PPARA: variants seen among roughly 807,000 people sequenced by gnomAD.
The protein encoded by PPARA is peroxisome proliferator activated receptor alpha, also known as peroxisome proliferator-activated receptor alpha.
In PPARA, 22 loss-of-function variants were observed where a neutral mutation model predicts 42.2. The ratio of observed to expected loss-of-function variants is 0.52; its 90% CI spans 0.37 to 0.74. The LOEUF (loss-of-function observed/expected upper bound fraction) is 0.74, where lower values mean the gene tolerates loss of function less well. PPARA is among the 30% of genes least tolerant of loss of function. PPARA has a pLI of 0.00. For synonymous variants in PPARA, 242 were observed against 239.3 expected (o/e 1.01, Z -0.10); for missense variants, 465 against 608.2 (o/e 0.76, Z 2.48).
rs376744432 is a variant in PPARA, at chr22:46,237,879, T to A, written c.*2499T>A. On this transcript the variant is annotated 3_prime_UTR_variant, in exon 9 of 9. Transcript: ENST00000407236. The surrounding 1 kb of genome is among the most constrained non-coding windows in gnomAD (Gnocchi z 6.7). The stretch of plus-strand genomic sequence containing the variant: ...GGAGCCCAATGCCAAGCCTGTGTTG[T>A]CCCCAGCGACCCTGCAGCTGCTCGC... The A allele has an allele frequency of 6.6e-6, 1 of 152,464 alleles. No homozygotes were observed. The highest frequency in any genetic ancestry group is 2.4e-5 in the African/African-American group (1 of 41,588). The allele number at this position is 152,464 out of a possible 1,614,324, so 9.4% of individuals were successfully genotyped here.
intron 4 of PPARA, among the ~76,000 whole-genome samples, chr22:46,206,560 T>C (rs1422203702): frequency 6.6e-6 from 1 of 152,236 alleles, no homozygotes; most frequent in Non-Finnish European, 1.5e-5. Context: ...GGTATCATTC[T>C]ATCTTACAGA....
At chr22:46,205,905 T>C (rs1933255878) in intron 4 of PPARA, among the ~76,000 whole-genome samples, 1 of 152,134 alleles carries the variant, frequency 6.6e-6, no homozygotes, top group Non-Finnish European at 1.5e-5. Context: ...ATGTAGCCAC[T>C]GCAGCTTTCT....
At chr22:46,218,973 C>T (rs767017882) in intron 6 of PPARA, among the ~76,000 whole-genome samples, 3 of 151,696 alleles carry the variant, frequency 2.0e-5, no homozygotes, top group East Asian at 1.9e-4. Flanking sequence ...ACCAGCCTGG[C>T]GAACATGGCA....
intron 2 of PPARA, chr22:46,176,179 A>G (rs1471910190): frequency 6.6e-6 from 1 of 151,584 alleles, no homozygotes; most frequent in Non-Finnish European, 1.5e-5. Flanking sequence ...ACGGACAGAT[A>G]GATAGGTAGA....
Position 46,162,427 on chromosome 22 carries a change from T to C in PPARA, c.-127+10457T>C, listed in dbSNP as rs554052920. ...CCGGAGACACACTCCCTTACCCTCA[T>C]ACCCCGCCGCACCCCTGTGACCTCT... On this transcript the variant is annotated intron_variant, in intron 2 of 8. Transcript: ENST00000407236. The surrounding 1 kb of genome is among the most constrained non-coding windows in gnomAD (Gnocchi z 6.0). Among the ~76,000 whole-genome samples the C allele has an allele frequency of 1.8e-4, 27 of 152,164 alleles. No individual in the cohort carries two copies. Among genetic ancestry groups the C allele is most frequent in the Non-Finnish European group, 2.5e-4 (17 of 68,026 alleles).
At chr22:46,226,255 A>G (rs1008825490) in intron 7 of PPARA, among the ~76,000 whole-genome samples, 2 of 151,590 alleles carry the variant, frequency 1.3e-5, no homozygotes, top group African/African-American at 4.8e-5. Context: ...ACACACACTT[A>G]CTGTTGCTCA....
chr22:46,211,045 C>A lies in PPARA; in HGVS notation c.209-4128C>A, dbSNP rs1015331357. Among the ~76,000 whole-genome samples the A allele has an allele frequency of 2.0e-5, 3 of 152,168 alleles. No homozygotes were observed. Among genetic ancestry groups the A allele is most frequent in the African/African-American group, 7.2e-5 (3 of 41,438 alleles). ...ACTATATCCAGCTCCATGTGGGCCC[C>A]AGGCAGCGTTCACTATCATCATTTC... On this transcript the variant is annotated intron_variant, in intron 4 of 8. Transcript: ENST00000407236. This position sits in a 1 kb window ranked among gnomAD's most constrained non-coding sequence, Gnocchi z 4.1.
intron 4 of PPARA, among the ~76,000 whole-genome samples, chr22:46,205,554 A>ATATATATATATT (rs1569226294): frequency 2.3e-4 from 3 of 12,926 alleles, no homozygotes; most frequent in Non-Finnish European, 3.0e-4. Flanking sequence ...ATATATATAT[A>ATATATATATATT]TTTTTTTTTT....
At chr22:46,181,381 G>A (rs1250721774) in intron 3 of PPARA, among the ~76,000 whole-genome samples, 1 of 152,112 alleles carries the variant, frequency 6.6e-6, no homozygotes, top group African/African-American at 2.4e-5. Context: ...GCTGCAGCAG[G>A]CTGTGGCAGG....
At chr22:46,207,007 G>A (rs918961834) in intron 4 of PPARA, among the ~76,000 whole-genome samples, 2 of 152,088 alleles carry the variant, frequency 1.3e-5, no homozygotes, top group Non-Finnish European at 2.9e-5. Context: ...TGGATCACCT[G>A]AGGTCAGGAG....
rs1316332323 is a variant in PPARA, at chr22:46,212,467, C to T, written c.209-2706C>T. Among the ~76,000 whole-genome samples, 1 of 152,174 alleles carries T rather than the reference C, an allele frequency of 6.6e-6. No individual in the cohort carries two copies. Among genetic ancestry groups the T allele is most frequent in the African/African-American group, 2.4e-5 (1 of 41,450 alleles). ...CCAGCTCAGAAATGGTTCTTTTTAC[C>T]ATTGCTATAATTTTGCCTTTTCCAG... On this transcript the variant is annotated intron_variant, in intron 4 of 8. Coordinates refer to ENST00000407236, the MANE Select transcript of PPARA (RefSeq NM_005036.6). The surrounding 1 kb of genome is among the most constrained non-coding windows in gnomAD (Gnocchi z 4.2).
At position 46,220,021 on chromosome 22, in the gene PPARA, G is replaced by A. The variant is rs1187024495; in HGVS notation, c.711+7G>A. The A allele has an allele frequency of 1.2e-6, 2 of 1,613,618 alleles. No homozygotes were observed. Among genetic ancestry groups the A allele is most frequent in the Admixed American group, 1.7e-5 (1 of 59,996 alleles). ...AAAGGCCAGTAACAATCCAGTAGGT[G>A]TTTGCGGCTGTTCTGGGTTCTCTTG... is the stretch of plus-strand genomic sequence containing the variant. On this transcript the variant is annotated splice_region_variant and intron_variant, in intron 7 of 8. Transcript: ENST00000407236.
chr22:46,219,155 C>T lies in PPARA; in HGVS notation c.509-657C>T, dbSNP rs1934784653. Among the ~76,000 whole-genome samples, 1 of 151,852 alleles carries T rather than the reference C, an allele frequency of 6.6e-6. No individual in the cohort carries two copies. The highest frequency in any genetic ancestry group is 2.4e-5 in the African/African-American group (1 of 41,328). ...CCAGCCTGGGCGACAGAGTGCGACTCCGTCTCAAAAAAAAAGAAAAAAAAA... is the reference window on the plus strand; with the variant it reads ...CCAGCCTGGGCGACAGAGTGCGACTTCGTCTCAAAAAAAAAGAAAAAAAAA... On this transcript the variant is annotated intron_variant, in intron 6 of 8. Coordinates refer to ENST00000407236, the MANE Select transcript of PPARA (RefSeq NM_005036.6). This position sits in a 1 kb window ranked among gnomAD's most constrained non-coding sequence, Gnocchi z 4.8.
At chr22:46,201,363 C>A (rs755743841) in intron 4 of PPARA, among the ~76,000 whole-genome samples, 1 of 152,112 alleles carries the variant, frequency 6.6e-6, no homozygotes, top group Non-Finnish European at 1.5e-5. Context: ...TTGGGAGTGA[C>A]CCTGACAGAC....
Position 46,183,480 on chromosome 22 carries a change from G to T in PPARA, c.-43+6644G>T, listed in dbSNP as rs566031510. On this transcript the variant is annotated intron_variant, in intron 3 of 8. Transcript: ENST00000407236. This position sits in a 1 kb window ranked among gnomAD's most constrained non-coding sequence, Gnocchi z 5.5. ...TATCAGGTCAGGCTCAATGGCTCAC[G>T]CCAGTAGTCCCAGCACTTTGCGGGG... Among the ~76,000 whole-genome samples, 190 of 152,316 alleles carry T rather than the reference G, an allele frequency of 1.2e-3. No homozygotes were observed. The highest frequency in any genetic ancestry group is 3.4e-3 in the Middle Eastern group (1 of 294).
At chr22:46,220,408 G>C (rs1357673912) in intron 7 of PPARA, 2 of 304,078 alleles carry the variant, frequency 6.6e-6, no homozygotes, top group Non-Finnish European at 1.3e-5. Flanking sequence ...TTGAACTCCT[G>C]GGCTCAAGCA....
rs1224649745 is a variant in PPARA at position 46,188,749 on chromosome 22, T to G, written c.-42-9593T>G. On this transcript the variant is annotated intron_variant, in intron 3 of 8. Transcript: ENST00000407236. This position sits in a 1 kb window ranked among gnomAD's most constrained non-coding sequence, Gnocchi z 5.0. ...GCCACACCCCCCTGTCCCAGTGCAC[T>G]GGGGCTGTGGATCCCTTCAAAGCTG... The G allele has an allele frequency of 6.6e-6, 1 of 152,220 alleles. No homozygotes were observed. The highest frequency in any genetic ancestry group is 1.9e-4 in the East Asian group (1 of 5,196). The allele number at this position is 152,220 out of a possible 1,614,324, so 9.4% of individuals were successfully genotyped here. A position where few individuals can be genotyped will look rare whatever the true frequency, so the allele number is the denominator to read the frequency against.
At position 46,190,801 on chromosome 22, in the gene PPARA, G is replaced by C. The variant is rs924233538; in HGVS notation, c.-42-7541G>C. Reference sequence around the variant, plus strand: ...AATTCAAGCTCAATTCCATTTGTTGGTTGTCTTGAGTGTCTGATCACATAG... The same window carrying C: ...AATTCAAGCTCAATTCCATTTGTTGCTTGTCTTGAGTGTCTGATCACATAG... On this transcript the variant is annotated intron_variant, in intron 3 of 8. Coordinates refer to ENST00000407236, the MANE Select transcript of PPARA (RefSeq NM_005036.6). The surrounding 1 kb of genome is among the most constrained non-coding windows in gnomAD (Gnocchi z 5.6). Among the ~76,000 whole-genome samples the C allele has an allele frequency of 2.6e-5, 4 of 152,110 alleles. No individual in the cohort carries two copies. The highest frequency in any genetic ancestry group is 9.7e-5 in the African/African-American group (4 of 41,424).
chr22:46,151,420 G>A (rs1342309593), intron 1 of PPARA, among the ~76,000 whole-genome samples: 1 of 152,262 alleles, frequency 6.6e-6, no homozygotes, highest in Non-Finnish European at 1.5e-5. Flanking sequence ...CGTGGTGCGG[G>A]TGAAGCTGGA....
Sources: allele counts gnomAD v4.1 joint callset (sites outside exome capture counted in the v4.1 genomes callset), GRCh38; gene constraint gnomAD v4.1.1; non-coding constraint Gnocchi (gnomAD v3.1); transcripts MANE v1.5; gene names NCBI Gene and HGNC (gene_info 2026-07-23, HGNC 2026-07-21).